The following CACNA1G variants were observed in gnomAD, a reference collection of about 807,000 sequenced individuals.
CACNA1G encodes voltage-dependent T-type calcium channel subunit alpha-1G.
Under a neutral mutation model 219.4 loss-of-function variants are expected in CACNA1G, and 67 were observed. The observed-to-expected ratio is 0.31, with a 90% CI of 0.25 to 0.37. The LOEUF (loss-of-function observed/expected upper bound fraction) is 0.37. Among genes scored for constraint, CACNA1G ranks in the 10% least tolerant of loss-of-function variants. The pLI is 1.00. For synonymous variants in CACNA1G, 1,296 were observed against 1,345.3 expected, an observed-to-expected ratio of 0.96 and a Z score of 0.80; for missense variants, 2,380 against 3,231.4, an observed-to-expected ratio of 0.74 and a Z score of 6.39.
intron 9 of CACNA1G, among the ~76,000 whole-genome samples, chr17:50,584,750 C>A (rs2042673402): frequency 6.6e-6 from 1 of 151,640 alleles, no homozygotes; most frequent in South Asian, 2.1e-4. Context: ...TGGAGCCCCC[C>A]ATGTAAGCCT....
intron 1 of CACNA1G, among the ~76,000 whole-genome samples, chr17:50,565,059 AC>A (rs1269189736): frequency 2.6e-5 from 3 of 113,360 alleles, no homozygotes; most frequent in African/African-American, 1.0e-4. Flanking sequence ...CCCAGCACTC[AC>A]CCCGCCCTGC....
At chr17:50,602,261 G>C (rs745887497) in intron 19 of CACNA1G, among the ~76,000 whole-genome samples, 1 of 152,160 alleles carries the variant, frequency 6.6e-6, no homozygotes. Flanking sequence ...CTAGAGATCT[G>C]CGCCTGCCTC....
chr17:50,570,967 G>A (rs886560110), intron 4 of CACNA1G, among the ~76,000 whole-genome samples: 1 of 152,210 alleles, frequency 6.6e-6, no homozygotes, highest in African/African-American at 2.4e-5. Context: ...CACTTTGGGG[G>A]TGAAGCCAGC....
chr17:50,569,380 T>C, intron 3 of CACNA1G, 82 bp downstream of exon 3: 1 of 1,458,754 alleles, frequency 6.9e-7, no homozygotes, highest in East Asian at 2.3e-5. Context: ...CTGTGACCTC[T>C]CAGCTCCAGC....
chr17:50,589,581 G>A (rs1411206742), intron 9 of CACNA1G, among the ~76,000 whole-genome samples: 1 of 152,024 alleles, frequency 6.6e-6, no homozygotes, highest in Non-Finnish European at 1.5e-5. Flanking sequence ...TCACTAGTGA[G>A]CTGGAATGGC....
chr17:50,574,672 T>C (rs559680969), intron 7 of CACNA1G, among the ~76,000 whole-genome samples: 2 of 152,182 alleles, frequency 1.3e-5, no homozygotes, highest in South Asian at 4.1e-4. Flanking sequence ...CCCTGAAAAA[T>C]CTTTCCTAAC....
intron 10 of CACNA1G, 39 bp downstream of exon 10, chr17:50,590,661 T>C (rs779852383): frequency 1.7e-6 from 1 of 584,566 alleles, no homozygotes. Context: ...AGTTGAGGAA[T>C]GGTAGCAGGG....
In CACNA1G at chr17:50,615,365, C is replaced by T. The variant is rs1226793103; in HGVS notation, c.4764C>T (p.Ala1588=). The change falls in exon 27 of 38, where the codon GCC becomes GCT. Residue 1588 remains alanine (A), a synonymous_variant. Transcript: ENST00000359106. ...SGSSASAASE[A]QCKPYYSDYS... is the part of the protein sequence containing the mutation. ...CTCTTCCCCCTGCCCCATCAGAAGCCCAGTGCAAACCTTACTACTCCGACT... is the reference window on the plus strand; with the variant it reads ...CTCTTCCCCCTGCCCCATCAGAAGCTCAGTGCAAACCTTACTACTCCGACT... 3 of 1,595,126 alleles carry T rather than the reference C, an allele frequency of 1.9e-6. No homozygotes were observed. Among genetic ancestry groups the T allele is most frequent in the Non-Finnish European group, 2.6e-6 (3 of 1,166,018 alleles).
intron 36 of CACNA1G, 36 bp from the exon 37 acceptor site, chr17:50,624,324 T>TGCCCCCCCCCCCCCCCCCCCTA: frequency 8.5e-7 from 1 of 1,177,660 alleles, no homozygotes; most frequent in Non-Finnish European, 1.2e-6. Flanking sequence ...CTCCATTCTC[T>TGCCCCCCCCCCCCCCCCCCCTA]CCCCCCACCC....
chr17:50,600,756 C>T lies in CACNA1G; in HGVS notation c.3721C>T (p.Arg1241Ter), dbSNP rs1288005196. The change falls in exon 18 of 38, where the codon CGA (arginine) becomes TGA (stop). Residue 1241 changes from arginine (R) to a stop codon, truncating the protein, a stop_gained. Coordinates refer to ENST00000359106, the MANE Select transcript of CACNA1G (RefSeq NM_018896.5). LOFTEE classifies it high-confidence loss of function. This position sits in a 1 kb window ranked among gnomAD's most constrained non-coding sequence, Gnocchi z 4.1. ...SKGERVRAWI[R>*]ARLPACCLER... ...AGGGGAACGGGTCCGCGCGTGGATC[C>T]GAGCCCGACTCCCTGCCTGCTGCCT... The T allele has an allele frequency of 6.2e-7, 1 of 1,613,820 alleles. No homozygotes were observed. The highest frequency in any genetic ancestry group is 8.5e-7 in the Non-Finnish European group (1 of 1,179,828).
In CACNA1G at chr17:50,600,471, C is replaced by T. The variant is rs573095537; in HGVS notation, c.3691-255C>T. ...AGGCAGGGGTGGGGAGAGGGGAGAGCGGGGTTGGGGATGCAGGGGAGGAGA... is the reference window on the plus strand; with the variant it reads ...AGGCAGGGGTGGGGAGAGGGGAGAGTGGGGTTGGGGATGCAGGGGAGGAGA... On this transcript the variant is annotated intron_variant, in intron 17 of 37. Coordinates refer to ENST00000359106, the MANE Select transcript of CACNA1G (RefSeq NM_018896.5). The surrounding 1 kb of genome is among the most constrained non-coding windows in gnomAD (Gnocchi z 4.1). Among the ~76,000 whole-genome samples, 24 of 99,064 alleles carry T rather than the reference C, an allele frequency of 2.4e-4. No individual in the cohort carries two copies. Among genetic ancestry groups the T allele is most frequent in the Admixed American group, 7.1e-4 (7 of 9,796 alleles). 65.0% of individuals were successfully genotyped at this position (99,064 alleles called of 152,430 possible).
intron 9 of CACNA1G, among the ~76,000 whole-genome samples, chr17:50,579,144 T>TGCCCAGCATGGCAAGGG (rs1471566463): frequency 6.6e-6 from 1 of 151,972 alleles, no homozygotes; most frequent in Middle Eastern, 3.2e-3. Flanking sequence ...TGGATGAGAG[T>TGCCCAGCATGGCAAGGG]GCCCAGCATG....
At chr17:50,589,537 G>A (rs2043713567) in intron 9 of CACNA1G, among the ~76,000 whole-genome samples, 1 of 152,054 alleles carries the variant, frequency 6.6e-6, no homozygotes, top group African/African-American at 2.4e-5. Context: ...TTAATGCCTG[G>A]TGCATTGCTA....
At position 50,626,354 on chromosome 17, in the gene CACNA1G, G is replaced by T. The variant is rs1199767405; in HGVS notation, c.6737G>T (p.Cys2246Phe). Residue 2246 changes from cysteine to phenylalanine, a missense_variant, in exon 38 of 38, where the codon TGC becomes TTC. Physicochemically the swap from Cys to Phe is radical, Grantham distance 205 (BLOSUM62 -2). Around this residue, in one of 17 missense-constraint regions of CACNA1G, gnomAD observed 672 missense variants for 670.5 expected, o/e 1.00. Transcript: ENST00000359106. This position sits in a 1 kb window ranked among gnomAD's most constrained non-coding sequence, Gnocchi z 4.3. Reference protein sequence around the residue: ...EPPSPRDLKKCYSVEAQSCQR... With the variant: ...EPPSPRDLKKFYSVEAQSCQR... ...CCATCCCCACGGGACCTGAAGAAGT[G>T]CTACAGCGTGGAGGCCCAGAGCTGC... 1.2e-6 allele frequency: 2 copies of T among 1,612,884 alleles called. No individual in the cohort carries two copies. The highest frequency in any genetic ancestry group is 2.2e-5 in the South Asian group (2 of 91,074).
intron 25 of CACNA1G, 72 bp downstream of exon 25, chr17:50,608,091 G>A (rs2048322598): frequency 3.6e-6 from 5 of 1,406,050 alleles, no homozygotes; most frequent in Non-Finnish European, 4.9e-6. Context: ...TTGGCCTTGC[G>A]ACTGCAGGGG....
intron 8 of CACNA1G, 54 bp downstream of exon 8, chr17:50,576,380 G>A (rs1220977848): frequency 2.3e-5 from 34 of 1,508,102 alleles, no homozygotes; most frequent in South Asian, 1.2e-4. Flanking sequence ...ACTGGGTGGC[G>A]TCCCAGAGGG....
At position 50,575,632 on chromosome 17, in the gene CACNA1G, G is replaced by A. The variant is rs765219241; in HGVS notation, c.1230G>A (p.Arg410=). ...AGCAGCGGGAAAGCCAGCTGATGCG[G>A]GAGCAGCGTGTGCGGTTCCTGTCCA... ...ETKQRESQLM[R]EQRVRFLSNA... The change falls in exon 8 of 38, where the codon CGG becomes CGA. Residue 410 remains arginine, a synonymous_variant. Transcript: ENST00000359106. The A allele has an allele frequency of 4.3e-6, 7 of 1,613,748 alleles. No homozygotes were observed. The highest frequency in any genetic ancestry group is 5.9e-6 in the Non-Finnish European group (7 of 1,179,870).
chr17:50,594,960 G>T, intron 13 of CACNA1G, 33 bp from the exon 14 acceptor site: 2 of 1,537,564 alleles, frequency 1.3e-6, no homozygotes, highest in Non-Finnish European at 1.8e-6. Flanking sequence ...CCTGTGACCA[G>T]CAGCCCTCCC....
chr17:50,618,971 C>A lies in CACNA1G; in HGVS notation c.5744C>A (p.Ala1915Glu), dbSNP rs375547019. The change falls in exon 33 of 38, where the codon GCG (alanine) becomes GAG (glutamate). Residue 1915 changes from alanine to glutamate, a missense_variant. Ala to Glu is a moderately radical substitution (Grantham distance 107, BLOSUM62 -1). This residue lies in a region of CACNA1G where 672 missense variants were observed against 670.5 expected (regional missense o/e 1.00). Transcript: ENST00000359106. The surrounding 1 kb of genome is among the most constrained non-coding windows in gnomAD (Gnocchi z 5.3). ...GGGGCTCTGCACCCAGCGGCCCACG[C>A]GAGATCAGCCTCCCACTTTTCCCTG... Reference protein sequence around the residue: ...KPGALHPAAHARSASHFSLEH... With the variant: ...KPGALHPAAHERSASHFSLEH... 4 of 1,549,196 alleles carry A rather than the reference C, an allele frequency of 2.6e-6. No individual in the cohort carries two copies. Among genetic ancestry groups the A allele is most frequent in the African/African-American group, 1.4e-5 (1 of 73,154 alleles).
Sources: allele counts gnomAD v4.1 joint callset (sites outside exome capture counted in the v4.1 genomes callset), GRCh38; gene constraint gnomAD v4.1.1; regional missense constraint gnomAD v4.1.1; non-coding constraint Gnocchi (gnomAD v3.1); transcripts MANE v1.5; gene names NCBI Gene and HGNC (gene_info 2026-07-23, HGNC 2026-07-21).